CCDC82: variants seen among roughly 807,000 people sequenced by gnomAD.
The protein encoded by CCDC82 is coiled-coil domain-containing protein 82.
In CCDC82, 47 loss-of-function variants were observed where a neutral mutation model predicts 60.6. The observed-to-expected ratio is 0.77, with a 90% CI of 0.61 to 0.99. The LOEUF is 0.99. Ranked by LOEUF, CCDC82 falls within the 50% of genes least tolerant of loss-of-function variation. The pLI is 0.00. For missense variants in CCDC82, 588 were observed against 633.0 expected (o/e 0.93, Z 0.76); for synonymous variants, 212 against 207.4 (o/e 1.02, Z -0.19).
At position 96,359,311 on chromosome 11, in the gene CCDC82, T is replaced by C. The variant is rs940690850; in HGVS notation, c.1381-133A>G. 4.3e-6 allele frequency: 3 copies of C among 699,188 alleles called. No homozygotes were observed. The East Asian group carries it at 9.3e-5, about 22-fold the overall frequency. The allele number at this position is 699,188 out of a possible 1,614,324, so 43.3% of individuals were successfully genotyped here. A position where few individuals can be genotyped will look rare whatever the true frequency, so the allele number is the denominator to read the frequency against. On this transcript the variant is annotated intron_variant, in intron 8 of 9. Transcript: ENST00000646818. ...TACACAATGATTCCTTTACCTTCTC[T>C]TACTTATACAACTAGTCAAACACTG...
Position 96,356,837 on chromosome 11 carries a change from T to G in CCDC82, c.1566+2156A>C, listed in dbSNP as rs1864374348. On this transcript the variant is annotated intron_variant, in intron 9 of 9. Coordinates refer to ENST00000646818, the MANE Select transcript of CCDC82 (RefSeq NM_024725.4). ...GTCTTTGGGAAGACATGCTGAGACA[T>G]CCTGAGATAATTAAAGTAAAATGGC... 3 of 985,150 alleles carry G rather than the reference T, an allele frequency of 3.0e-6. No individual in the cohort carries two copies. In the Admixed American group the frequency reaches 1.8e-4, roughly 61 times the overall value. The allele number at this position is 985,150 out of a possible 1,614,324, so 61.0% of individuals were successfully genotyped here. A position where few individuals can be genotyped will look rare whatever the true frequency, so the allele number is the denominator to read the frequency against.
intron 5 of CCDC82, chr11:96,382,642 C>T (rs935266896): frequency 6.6e-6 from 1 of 151,726 alleles, no homozygotes; most frequent in Non-Finnish European, 1.5e-5. Context: ...GTTTTGAATT[C>T]CATATTATCT....
intron 5 of CCDC82, among the ~76,000 whole-genome samples, chr11:96,378,017 T>C (rs1402355672): frequency 1.3e-5 from 2 of 152,020 alleles, no homozygotes. Flanking sequence ...CCTTTACATT[T>C]CCATTTGTTC....
chr11:96,357,090 T>C (rs1036654511), intron 9 of CCDC82: 3 of 985,258 alleles, frequency 3.0e-6, no homozygotes, highest in African/African-American at 3.5e-5. Context: ...CATCACAAAG[T>C]ACATGCAGTG....
intron 8 of CCDC82, among the ~76,000 whole-genome samples, chr11:96,361,238 T>C (rs1353129122): frequency 2.0e-5 from 3 of 152,238 alleles, no homozygotes; most frequent in Non-Finnish European, 2.9e-5. Flanking sequence ...ATAAAGTGAT[T>C]TGTATTTCTT....
In CCDC82 at chr11:96,353,818, A is replaced by G. The variant is rs1423592817; in HGVS notation, c.1567-104T>C. ...ATTAGGATAAGTCCATTTCATGGTAATCGTGAACAAAAATCTTTTTATGAT... is the reference window on the plus strand; with the variant it reads ...ATTAGGATAAGTCCATTTCATGGTAGTCGTGAACAAAAATCTTTTTATGAT... On this transcript the variant is annotated intron_variant, in intron 9 of 9. Coordinates refer to ENST00000646818, the MANE Select transcript of CCDC82 (RefSeq NM_024725.4). 10 of 716,004 alleles carry G rather than the reference A, an allele frequency of 1.4e-5. No individual in the cohort carries two copies. The South Asian group carries it at 1.6e-4, about 12-fold the overall frequency. The allele number at this position is 716,004 out of a possible 1,614,324, so 44.4% of individuals were successfully genotyped here.
intron 9 of CCDC82, chr11:96,357,203 C>T (rs1450781185): frequency 1.0e-6 from 1 of 985,218 alleles, no homozygotes; most frequent in East Asian, 1.1e-4. Context: ...CAAAAAGCTG[C>T]AAATGGGTTT....
intron 9 of CCDC82, chr11:96,357,963 G>C: frequency 1.0e-6 from 1 of 985,466 alleles, no homozygotes; most frequent in Non-Finnish European, 1.2e-6. Flanking sequence ...TCACTGGGTG[G>C]TGGTTTGTGG....
chr11:96,371,537 G>A (rs1342520772), intron 6 of CCDC82, among the ~76,000 whole-genome samples: 5 of 152,218 alleles, frequency 3.3e-5, no homozygotes, highest in African/African-American at 1.2e-4. Flanking sequence ...AGCTGAGATC[G>A]CACCACTGTA....
intron 8 of CCDC82, chr11:96,363,526 C>T (rs1361097196): frequency 3.3e-5 from 5 of 152,168 alleles, no homozygotes; most frequent in Non-Finnish European, 5.9e-5. Flanking sequence ...CTAGACAGTG[C>T]AAATACTAAT....
At chr11:96,375,794 T>G (rs568267482) in intron 5 of CCDC82, among the ~76,000 whole-genome samples, 3 of 152,318 alleles carry the variant, frequency 2.0e-5, no homozygotes, top group South Asian at 4.1e-4. Flanking sequence ...AAATTTAGAC[T>G]TGGATGGAAA....
intron 8 of CCDC82, 91 bp downstream of exon 8, chr11:96,364,889 C>G (rs1439453527): frequency 1.8e-5 from 22 of 1,232,650 alleles, no homozygotes; most frequent in Non-Finnish European, 2.4e-5. Context: ...AATGTTTCCA[C>G]TTGGGTCAAA....
At chr11:96,361,877 T>C (rs1323565392) in intron 8 of CCDC82, among the ~76,000 whole-genome samples, 1 of 152,116 alleles carries the variant, frequency 6.6e-6, no homozygotes, top group Non-Finnish European at 1.5e-5. Flanking sequence ...GTATAAAAAA[T>C]ACCAGAGAAA....
intron 5 of CCDC82, 41 bp downstream of exon 5, chr11:96,383,228 T>C (rs768805680): frequency 2.7e-6 from 3 of 1,125,064 alleles, no homozygotes; most frequent in African/African-American, 1.5e-5. Context: ...TAAAATATCA[T>C]GAGAACAATT....
chr11:96,374,879 TTTTGGA>T (rs1402564065), intron 5 of CCDC82, among the ~76,000 whole-genome samples: 1 of 152,180 alleles, frequency 6.6e-6, no homozygotes, highest in African/African-American at 2.4e-5. Flanking sequence ...TCTAATTTCA[TTTTGGA>T]TTGTAATTTA....
At chr11:96,356,080 A>G (rs2136051348) in intron 9 of CCDC82, 2 of 152,338 alleles carry the variant, frequency 1.3e-5, no homozygotes, top group Non-Finnish European at 2.9e-5. Flanking sequence ...ACTTTTATCT[A>G]TTTAAGAATC....
At chr11:96,368,096 A>G (rs1810771436) in intron 7 of CCDC82, among the ~76,000 whole-genome samples, 2 of 152,130 alleles carry the variant, frequency 1.3e-5, no homozygotes, top group South Asian at 4.1e-4. Context: ...CTGGGATTAC[A>G]GGCCTGAGCC....
intron 8 of CCDC82, 172 bp downstream of exon 8, chr11:96,364,808 C>T: frequency 7.4e-6 from 4 of 542,870 alleles, no homozygotes; most frequent in African/African-American, 1.9e-5. Context: ...TTTGAATTCT[C>T]TCCTATTAGA....
At chr11:96,358,464 G>A in intron 9 of CCDC82, 1 of 1,230,716 alleles carries the variant, frequency 8.1e-7, no homozygotes, top group Non-Finnish European at 1.0e-6. Context: ...GCTGTGGTCT[G>A]AAACCTCTGC....
Sources: allele counts gnomAD v4.1 joint callset (sites outside exome capture counted in the v4.1 genomes callset), GRCh38; gene constraint gnomAD v4.1.1; transcripts MANE v1.5; gene names NCBI Gene and HGNC (gene_info 2026-07-23, HGNC 2026-07-21).